The following JAKMIP1 variants were observed in gnomAD, a reference collection of about 807,000 sequenced individuals.
The protein encoded by JAKMIP1 is janus kinase and microtubule interacting protein 1.
In JAKMIP1, 33 loss-of-function variants were observed where a neutral mutation model predicts 113.0. That is an observed-to-expected ratio of 0.29 (90% confidence interval 0.22 to 0.39). The LOEUF is 0.39. Among genes scored for constraint, JAKMIP1 ranks in the 10% least tolerant of loss-of-function variants. JAKMIP1 has a pLI of 1.00. For synonymous variants in JAKMIP1, 480 were observed against 459.9 expected, an observed-to-expected ratio of 1.04 and a Z score of -0.56; for missense variants, 813 against 1,080.5, an observed-to-expected ratio of 0.75 and a Z score of 3.47.
intron 5 of JAKMIP1, among the ~76,000 whole-genome samples, chr4:6,084,045 T>C (rs1720944729): frequency 6.6e-6 from 1 of 152,192 alleles, no homozygotes; most frequent in East Asian, 1.9e-4. Flanking sequence ...TAGCCAGATG[T>C]GGTGGCTCTT....
chr4:6,030,999 A>C (rs1435923323), intron 19 of JAKMIP1, among the ~76,000 whole-genome samples: 1 of 152,220 alleles, frequency 6.6e-6, no homozygotes, highest in Non-Finnish European at 1.5e-5. Flanking sequence ...CACTCAGTAA[A>C]TAGGACTCCA....
intron 1 of JAKMIP1, among the ~76,000 whole-genome samples, chr4:6,161,821 T>C (rs1436323994): frequency 6.6e-6 from 1 of 151,850 alleles, no homozygotes; most frequent in African/African-American, 2.4e-5. Flanking sequence ...ACCCAGGAGG[T>C]TGTCACTGTG....
chr4:6,107,243 T>C (rs186438777), intron 2 of JAKMIP1, among the ~76,000 whole-genome samples: 7 of 152,320 alleles, frequency 4.6e-5, no homozygotes, highest in African/African-American at 1.4e-4. Context: ...TGGTTTTGAC[T>C]GTTCTCCCTC....
chr4:6,087,210 G>A (rs570921417), intron 3 of JAKMIP1, among the ~76,000 whole-genome samples: 2 of 152,144 alleles, frequency 1.3e-5, no homozygotes, highest in Non-Finnish European at 2.9e-5. Flanking sequence ...GAGAATTGGG[G>A]TGAAGGGCCC....
In JAKMIP1 at chr4:6,080,984, T is replaced by TACAC. The variant is rs71173403; in HGVS notation, c.1101+621_1101+624dup. 0.25 allele frequency among the ~76,000 whole-genome samples: 35,141 copies of TACAC among 140,954 alleles called. 5,075 individuals carry two copies. The highest frequency in any genetic ancestry group is 0.35 in the South Asian group (1,495 of 4,264). 92.5% of individuals were successfully genotyped at this position (140,954 alleles called of 152,430 possible). A position where few individuals can be genotyped will look rare whatever the true frequency, so the allele number is the denominator to read the frequency against. On this transcript the variant is annotated intron_variant, in intron 6 of 20. Transcript: ENST00000409021. This position sits in a 1 kb window ranked among gnomAD's most constrained non-coding sequence, Gnocchi z 6.0. ...GGAGAGGACTTCACACAACAGCAAT[T>TACAC]ACACACACACACACACACACACACA...
intron 8 of JAKMIP1, among the ~76,000 whole-genome samples, chr4:6,068,129 G>T (rs1718435061): frequency 6.6e-6 from 1 of 152,186 alleles, no homozygotes; most frequent in Non-Finnish European, 1.5e-5. Flanking sequence ...ACCAGTTAAA[G>T]ACTCAACTCT....
chr4:6,047,303 A>G (rs6815511), intron 16 of JAKMIP1, among the ~76,000 whole-genome samples: 19,042 of 152,302 alleles, frequency 0.13, 1,535 homozygotes, highest in African/African-American at 0.23. Flanking sequence ...CTCAGTAAAT[A>G]TTCCAGTAGA....
rs2108956764 is a variant in JAKMIP1 at position 6,139,489 on chromosome 4, T to A, written c.-147-26492A>T. Among the ~76,000 whole-genome samples the A allele has an allele frequency of 6.6e-6, 1 of 152,102 alleles. No homozygotes were observed. Among genetic ancestry groups the A allele is most frequent in the East Asian group, 1.9e-4 (1 of 5,166 alleles). On this transcript the variant is annotated intron_variant, in intron 1 of 20. Coordinates refer to ENST00000409021, the MANE Select transcript of JAKMIP1 (RefSeq NM_001099433.2). This position sits in a 1 kb window ranked among gnomAD's most constrained non-coding sequence, Gnocchi z 5.2. ...TTCCTACAAAAAGAAGAAATGGGGC[T>A]GGTCGTGGTGGCTCACGCCTGTAAC...
intron 1 of JAKMIP1, among the ~76,000 whole-genome samples, chr4:6,149,484 AC>A (rs1201124224): frequency 6.6e-6 from 1 of 152,166 alleles, no homozygotes; most frequent in Non-Finnish European, 1.5e-5. Flanking sequence ...GTGGTCCGAG[AC>A]CAGCGAGTAA....
chr4:6,136,572 G>A lies in JAKMIP1; in HGVS notation c.-147-23575C>T, dbSNP rs998808132. Among the ~76,000 whole-genome samples the A allele has an allele frequency of 4.6e-5, 7 of 152,116 alleles. No homozygotes were observed. Among genetic ancestry groups the A allele is most frequent in the Non-Finnish European group, 8.8e-5 (6 of 68,026 alleles). On this transcript the variant is annotated intron_variant, in intron 1 of 20. Coordinates refer to ENST00000409021, the MANE Select transcript of JAKMIP1 (RefSeq NM_001099433.2). The surrounding 1 kb of genome is among the most constrained non-coding windows in gnomAD (Gnocchi z 5.9). ...ACTGAGCGACTAAGTTCCTGTCCAC[G>A]GTCACACAACCAAGGATGGCTCGTG...
At chr4:6,030,050 C>T (rs540522056) in intron 19 of JAKMIP1, among the ~76,000 whole-genome samples, 6 of 152,246 alleles carry the variant, frequency 3.9e-5, no homozygotes, top group South Asian at 2.1e-4. Context: ...AATAATGGAT[C>T]GTGCCTGTTC....
At position 6,098,479 on chromosome 4, in the gene JAKMIP1, AAGAAAGAAAAG is replaced by A. The variant is rs1290963789; in HGVS notation, c.624+6983_624+6993del. On this transcript the variant is annotated intron_variant, in intron 3 of 20. Coordinates refer to ENST00000409021, the MANE Select transcript of JAKMIP1 (RefSeq NM_001099433.2). ...AGGGAGGAAGGGCAGGAGGGAAGGA[AAGAAAGAAAAG>A]AGAAAGAAAAGAAAGGAAAGGAAGG... Among the ~76,000 whole-genome samples the A allele has an allele frequency of 6.6e-5, 10 of 150,942 alleles. No homozygotes were observed. In the East Asian group the frequency reaches 1.4e-3, roughly 21 times the overall value.
chr4:6,105,168 T>C lies in JAKMIP1; in HGVS notation c.624+305A>G, dbSNP rs115995985. On this transcript the variant is annotated intron_variant, in intron 3 of 20. Transcript: ENST00000409021. ...ATCTTACCTGGAGATGGAAGTCTGC[T>C]CATGGTTGTTGAAGTAAATGAATCA... 7.5e-3 allele frequency among the ~76,000 whole-genome samples: 1,139 copies of C among 152,352 alleles called. 17 individuals carry two copies. Among genetic ancestry groups the C allele is most frequent in the African/African-American group, 0.027 (1,102 of 41,576 alleles).
Position 6,086,455 on chromosome 4 carries a change from C to T in JAKMIP1, c.625-826G>A, listed in dbSNP as rs569215250. Among the ~76,000 whole-genome samples the T allele has an allele frequency of 2.0e-5, 3 of 152,088 alleles. No homozygotes were observed. Among genetic ancestry groups the T allele is most frequent in the South Asian group, 2.1e-4 (1 of 4,788 alleles). On this transcript the variant is annotated intron_variant, in intron 3 of 20. Transcript: ENST00000409021. The surrounding 1 kb of genome is among the most constrained non-coding windows in gnomAD (Gnocchi z 4.1). The stretch of plus-strand genomic sequence containing the variant: ...TCTCGGAGGGACCACAGCCTCTCCA[C>T]GTACAAACCTGAACTTAATCTTCAG...
intron 20 of JAKMIP1, among the ~76,000 whole-genome samples, chr4:6,028,359 C>T (rs1183395013): frequency 6.6e-6 from 1 of 152,206 alleles, no homozygotes; most frequent in Non-Finnish European, 1.5e-5. Context: ...AAGCCCTGCC[C>T]CCGCCCCTGC....
Position 6,065,018 on chromosome 4 carries a change from G to A in JAKMIP1, c.1303-10C>T, listed in dbSNP as rs777401534. On this transcript the variant is annotated splice_polypyrimidine_tract_variant and intron_variant, in intron 8 of 20. Transcript: ENST00000409021. The surrounding 1 kb of genome is among the most constrained non-coding windows in gnomAD (Gnocchi z 5.1). ...TCTCCACAACATGCTTCTGTAAAAC[G>A]CAATTTGTATGATGTTAGCAACGAC... 29 of 1,613,908 alleles carry A rather than the reference G, an allele frequency of 1.8e-5. No individual in the cohort carries two copies. The highest frequency in any genetic ancestry group is 4.5e-5 in the East Asian group (2 of 44,882).
chr4:6,105,706 C>G lies in JAKMIP1; in HGVS notation c.391G>C (p.Ala131Pro), dbSNP rs750499928. Residue 131 changes from alanine to proline, a missense_variant, in exon 3 of 21, where the codon GCG (alanine) becomes CCG (proline). By Grantham distance (27) the Ala-to-Pro change is conservative (BLOSUM62 -1). Transcript: ENST00000409021. ...TCCTCGCGCGCCTCGGTCAGCAGCGCCGTCTTGACCTTGTCGGCCGCGCCG... is the reference window on the plus strand; with the variant it reads ...TCCTCGCGCGCCTCGGTCAGCAGCGGCGTCTTGACCTTGTCGGCCGCGCCG... Reference protein sequence around the residue: ...RDGAADKVKTALLTEAREEAR... With the variant: ...RDGAADKVKTPLLTEAREEAR... 2 of 1,602,392 alleles carry G rather than the reference C, an allele frequency of 1.2e-6. No individual in the cohort carries two copies. The highest frequency in any genetic ancestry group is 1.7e-6 in the Non-Finnish European group (2 of 1,177,344).
chr4:6,151,839 A>G lies in JAKMIP1; in HGVS notation c.-147-38842T>C, dbSNP rs541243761. 9.7e-4 allele frequency among the ~76,000 whole-genome samples: 148 copies of G among 152,340 alleles called. No homozygotes were observed. In the Middle Eastern group the frequency reaches 0.014, roughly 14 times the overall value. On this transcript the variant is annotated intron_variant, in intron 1 of 20. Coordinates refer to ENST00000409021, the MANE Select transcript of JAKMIP1 (RefSeq NM_001099433.2). ...TGTAAAATGAGATTATCCAATAACC[A>G]TACCAAACTCATAGTGTTGTTATGA...
Position 6,157,314 on chromosome 4 carries a change from C to T in JAKMIP1, c.-148+42939G>A, listed in dbSNP as rs1479670330. Among the ~76,000 whole-genome samples, 4 of 152,088 alleles carry T rather than the reference C, an allele frequency of 2.6e-5. No homozygotes were observed. Among genetic ancestry groups the T allele is most frequent in the Non-Finnish European group, 5.9e-5 (4 of 68,018 alleles). On this transcript the variant is annotated intron_variant, in intron 1 of 20. Coordinates refer to ENST00000409021, the MANE Select transcript of JAKMIP1 (RefSeq NM_001099433.2). The surrounding 1 kb of genome is among the most constrained non-coding windows in gnomAD (Gnocchi z 4.7). ...ACGAGTGCACCTGGGCAGGTTACTCCCTCTGCAAAAAGGCGCACGGGATGG... is the reference window on the plus strand; with the variant it reads ...ACGAGTGCACCTGGGCAGGTTACTCTCTCTGCAAAAAGGCGCACGGGATGG...
Sources: allele counts gnomAD v4.1 joint callset (sites outside exome capture counted in the v4.1 genomes callset), GRCh38; gene constraint gnomAD v4.1.1; non-coding constraint Gnocchi (gnomAD v3.1); transcripts MANE v1.5; gene names NCBI Gene and HGNC (gene_info 2026-07-23, HGNC 2026-07-21).